The following FBXW10 variants were observed in gnomAD, a reference collection of about 807,000 sequenced individuals.
The protein encoded by FBXW10 is F-box and WD repeat domain containing 10.
A neutral mutation model predicts 113.1 loss-of-function variants in FBXW10; 68 were observed. The ratio of observed to expected loss-of-function variants is 0.60; its 90% CI spans 0.49 to 0.74. FBXW10 has a LOEUF of 0.74. Among genes scored for constraint, FBXW10 ranks in the 30% least tolerant of loss-of-function variants. The pLI, the probability that FBXW10 is intolerant of heterozygous loss-of-function variation, is 0.00. For synonymous variants in FBXW10, 289 were observed against 481.6 expected (o/e 0.60, Z 5.24); for missense variants, 753 against 1,284.5 (o/e 0.59, Z 6.32).
chr17:18,748,941 G>A (rs2035099294), intron 2 of FBXW10, among the ~76,000 whole-genome samples: 2 of 152,060 alleles, frequency 1.3e-5, no homozygotes, highest in African/African-American at 2.4e-5. Flanking sequence ...AAATATCATC[G>A]GAAACACAAT....
At chr17:18,746,866 G>C (rs1470662800) in intron 1 of FBXW10, among the ~76,000 whole-genome samples, 2 of 151,944 alleles carry the variant, frequency 1.3e-5, no homozygotes, top group African/African-American at 4.8e-5. Context: ...CCATAGGAAT[G>C]GGCTATTTAC....
chr17:18,744,902 A>G, intron 1 of FBXW10, 153 bp downstream of exon 1: 1 of 1,468,134 alleles, frequency 6.8e-7, no homozygotes, highest in Non-Finnish European at 9.0e-7. Context: ...CCTTGTCCTG[A>G]CACCCGATCC....
intron 1 of FBXW10, among the ~76,000 whole-genome samples, chr17:18,747,279 G>A (rs1222394907): frequency 4.6e-5 from 7 of 152,094 alleles, no homozygotes; most frequent in Non-Finnish European, 1.0e-4. Flanking sequence ...TAAATGTTCT[G>A]GTTGGGCGCA....
Position 18,773,449 on chromosome 17 carries a change from ATGTT to A in FBXW10, c.2278+770_2278+773del, listed in dbSNP as rs201137619. 1.8e-4 allele frequency among the ~76,000 whole-genome samples: 28 copies of A among 152,238 alleles called. No homozygotes were observed. The East Asian group carries it at 4.8e-3, about 26-fold the overall frequency. On this transcript the variant is annotated intron_variant, in intron 12 of 13. Coordinates refer to ENST00000395665, the MANE Select transcript of FBXW10 (RefSeq NM_001267585.2). ...GTATTGTTTTTAGACCTGAGAGATA[ATGTT>A]TGTAGCTGGAAAATCTTACGTATAA...
At chr17:18,771,929 G>A (rs1291362554) in intron 11 of FBXW10, among the ~76,000 whole-genome samples, 3 of 152,012 alleles carry the variant, frequency 2.0e-5, no homozygotes, top group Non-Finnish European at 2.9e-5. Context: ...GCAACATGGC[G>A]AAACCCTGTC....
At chr17:18,753,142 G>A (rs1375708506) in intron 5 of FBXW10, among the ~76,000 whole-genome samples, 8 of 152,174 alleles carry the variant, frequency 5.3e-5, no homozygotes, top group African/African-American at 1.9e-4. Flanking sequence ...AGAAAGAACA[G>A]ACAGTAAAAC....
In FBXW10 at chr17:18,750,919, G is replaced by A. The variant is rs751260413; in HGVS notation, c.1000-12G>A. The stretch of plus-strand genomic sequence containing the variant: ...TTTTTATTTTTATTTTTTATTTTTT[G>A]TCTTTTTCCAGGGGTCCTACACAAG... On this transcript the variant is annotated splice_polypyrimidine_tract_variant and intron_variant, in intron 4 of 13. Coordinates refer to ENST00000395665, the MANE Select transcript of FBXW10 (RefSeq NM_001267585.2). The A allele has an allele frequency of 3.1e-6, 5 of 1,603,244 alleles. No homozygotes were observed. The highest frequency in any genetic ancestry group is 1.1e-5 in the South Asian group (1 of 88,756).
Position 18,778,990 on chromosome 17 carries a change from A to G in FBXW10, c.2851A>G (p.Asn951Asp). ...PLTSMQVIKPNRMLAPQVGTA... is the reference protein window; with the variant it reads ...PLTSMQVIKPDRMLAPQVGTA... ...GACCAGTATGCAGGTCATTAAACCAAACCGCATGCTAGCTCCACAAGTGGG... is the reference window on the plus strand; with the variant it reads ...GACCAGTATGCAGGTCATTAAACCAGACCGCATGCTAGCTCCACAAGTGGG... The change falls in exon 14 of 14, where the codon AAC becomes GAC. Residue 951 changes from asparagine to aspartate, a missense_variant. Physicochemically the swap from Asn to Asp is conservative, Grantham distance 23. Coordinates refer to ENST00000395665, the MANE Select transcript of FBXW10 (RefSeq NM_001267585.2). 1 of 1,600,608 alleles carries G rather than the reference A, an allele frequency of 6.2e-7. No homozygotes were observed. The highest frequency in any genetic ancestry group is 1.1e-5 in the South Asian group (1 of 90,656).
At chr17:18,769,774 T>A (rs1487884586) in intron 10 of FBXW10, 153 bp from the exon 11 acceptor site, 112 of 838,558 alleles carry the variant, frequency 1.3e-4, no homozygotes, top group Non-Finnish European at 1.9e-4. Flanking sequence ...TGAAACTCCA[T>A]CTCAAAAAAA....
intron 7 of FBXW10, among the ~76,000 whole-genome samples, chr17:18,759,910 G>A (rs942374740): frequency 9.1e-5 from 9 of 98,742 alleles, no homozygotes; most frequent in African/African-American, 1.2e-4. Context: ...CCACCGCGCC[G>A]GGCCCTTGTT....
chr17:18,747,025 C>T (rs536190025), intron 1 of FBXW10, among the ~76,000 whole-genome samples: 19 of 151,346 alleles, frequency 1.3e-4, no homozygotes, highest in Middle Eastern at 3.4e-3. Flanking sequence ...CCCGGGTTCA[C>T]GCCATTCTCC....
chr17:18,772,188 T>C (rs1282892531), intron 11 of FBXW10, among the ~76,000 whole-genome samples: 2 of 152,182 alleles, frequency 1.3e-5, no homozygotes, highest in Non-Finnish European at 2.9e-5. Flanking sequence ...GCCCCGATCA[T>C]GTTTATTTTT....
rs2035126550 is a variant in FBXW10 at position 18,749,926 on chromosome 17, T to C, written c.871+4T>C. On this transcript the variant is annotated splice_donor_region_variant and intron_variant, in intron 3 of 13. Coordinates refer to ENST00000395665, the MANE Select transcript of FBXW10 (RefSeq NM_001267585.2). The stretch of plus-strand genomic sequence containing the variant: ...CACCTCTCCAAGTACATTCTAAGTA[T>C]GCTGGGGTGTATGAGGGGATTTCCC... 1 of 1,613,776 alleles carries C rather than the reference T, an allele frequency of 6.2e-7. No individual in the cohort carries two copies. The highest frequency in any genetic ancestry group is 8.5e-7 in the Non-Finnish European group (1 of 1,179,944).
At chr17:18,772,231 G>C (rs2035628109) in intron 11 of FBXW10, among the ~76,000 whole-genome samples, 181 bp from the exon 12 acceptor site, 1 of 152,226 alleles carries the variant, frequency 6.6e-6, no homozygotes, top group African/African-American at 2.4e-5. Flanking sequence ...AACGACTCCT[G>C]CTGCATCTCC....
chr17:18,768,933 G>GTTTTT (rs2035555964), intron 10 of FBXW10, among the ~76,000 whole-genome samples: 1 of 88,514 alleles, frequency 1.1e-5, no homozygotes, highest in African/African-American at 3.6e-5. Flanking sequence ...AGAAGTTATT[G>GTTTTT]ATTTTTTTTT....
At chr17:18,763,006 T>A (rs1435823148) in intron 7 of FBXW10, among the ~76,000 whole-genome samples, 1 of 148,452 alleles carries the variant, frequency 6.7e-6, no homozygotes, top group Admixed American at 6.8e-5. Flanking sequence ...GTGGCTGCAT[T>A]GTAGGCTCTG....
At chr17:18,768,052 T>TTCCTTCCTTCCTTCCTTCCC (rs2035536260) in intron 9 of FBXW10, among the ~76,000 whole-genome samples, 1 of 148,554 alleles carries the variant, frequency 6.7e-6, no homozygotes, top group Admixed American at 6.7e-5. Context: ...CCTTCCTTCC[T>TTCCTTCCTTCCTTCCTTCCC]TCTTTCTTTC....
At chr17:18,751,619 A>G (rs918439501) in intron 5 of FBXW10, among the ~76,000 whole-genome samples, 1 of 152,096 alleles carries the variant, frequency 6.6e-6, no homozygotes, top group African/African-American at 2.4e-5. Context: ...CCTTACTTCA[A>G]AGCCCCTGGC....
At chr17:18,759,788 G>C (rs537374156) in intron 7 of FBXW10, among the ~76,000 whole-genome samples, 23 of 150,788 alleles carry the variant, frequency 1.5e-4, no homozygotes, top group Non-Finnish European at 3.3e-4. Context: ...ATTTTTTTTT[G>C]TATTTTTTAG....
Sources: allele counts gnomAD v4.1 joint callset (sites outside exome capture counted in the v4.1 genomes callset), GRCh38; gene constraint gnomAD v4.1.1; transcripts MANE v1.5; gene names NCBI Gene and HGNC (gene_info 2026-07-23, HGNC 2026-07-21).